SPAG16: variants seen among roughly 807,000 people sequenced by gnomAD.
SPAG16 encodes sperm associated antigen 16.
SPAG16 carries 86 observed loss-of-function variants against 80.4 expected under a neutral mutation model. That is an observed-to-expected ratio of 1.07 (90% CI 0.90 to 1.28). The LOEUF (loss-of-function observed/expected upper bound fraction) is 1.28, where lower values mean the gene tolerates loss of function less well. Among genes scored for constraint, SPAG16 ranks in the 50% most tolerant of loss-of-function variants. The probability of loss-of-function intolerance (pLI) is 0.00; values close to 1 mark genes in which losing one functional copy is unlikely to be tolerated. For missense variants in SPAG16, 870 were observed against 765.3 expected (o/e 1.14, Z -1.61); for synonymous variants, 294 against 265.9 (o/e 1.11, Z -1.03).
intron 15 of SPAG16, among the ~76,000 whole-genome samples, chr2:214,324,784 A>G (rs16851777): frequency 0.06 from 9,186 of 151,854 alleles, 887 homozygotes; most frequent in African/African-American, 0.21. Context: ...ATCTATGCAG[A>G]CGACTTTTGG....
chr2:213,895,617 A>C (rs1264085182), intron 11 of SPAG16, among the ~76,000 whole-genome samples: 1 of 152,328 alleles, frequency 6.6e-6, no homozygotes, highest in African/African-American at 2.4e-5. Context: ...ATTTGCATCC[A>C]ACTCATCTTT....
chr2:214,157,897 A>G (rs1038733524), intron 15 of SPAG16, among the ~76,000 whole-genome samples: 2 of 152,082 alleles, frequency 1.3e-5, no homozygotes, highest in African/African-American at 4.8e-5. Context: ...AATTGTCTTC[A>G]CAACTTTAAG....
chr2:214,029,837 GT>G (rs955875031), intron 13 of SPAG16, among the ~76,000 whole-genome samples: 5 of 152,080 alleles, frequency 3.3e-5, no homozygotes, highest in African/African-American at 9.7e-5. Flanking sequence ...AATTGATTTG[GT>G]TTATTTTTGG....
intron 12 of SPAG16, among the ~76,000 whole-genome samples, chr2:213,981,375 T>C (rs888834545): frequency 2.0e-5 from 3 of 152,220 alleles, no homozygotes; most frequent in South Asian, 4.1e-4. Flanking sequence ...CAAGGAGCTC[T>C]TTTTTTCCAA....
chr2:214,156,439 C>G (rs1240192447), intron 15 of SPAG16, among the ~76,000 whole-genome samples: 1 of 152,008 alleles, frequency 6.6e-6, no homozygotes, highest in Non-Finnish European at 1.5e-5. Flanking sequence ...TTATTTAAGG[C>G]CTGGTCTGCT....
At chr2:213,802,769 T>C (rs1489934924) in intron 10 of SPAG16, among the ~76,000 whole-genome samples, 1 of 152,172 alleles carries the variant, frequency 6.6e-6, no homozygotes, top group African/African-American at 2.4e-5. Flanking sequence ...TTTTGTGTGG[T>C]GAATTATTCA....
At chr2:213,869,269 A>ATATATATATATATATGTATATATATATG (rs1299250170) in intron 11 of SPAG16, among the ~76,000 whole-genome samples, 2 of 82,846 alleles carry the variant, frequency 2.4e-5, no homozygotes, top group Non-Finnish European at 5.9e-5. Context: ...AAAAAAATAT[A>ATATATATATATATATGTATATATATATG]TATATATATA....
At chr2:213,982,126 G>A (rs2045779841) in intron 12 of SPAG16, among the ~76,000 whole-genome samples, 1 of 149,352 alleles carries the variant, frequency 6.7e-6, no homozygotes, top group African/African-American at 2.6e-5. Flanking sequence ...TAGAGTTCTA[G>A]TTAGTACTAC....
intron 13 of SPAG16, among the ~76,000 whole-genome samples, chr2:214,015,047 T>C (rs2124970040): frequency 6.6e-6 from 1 of 152,256 alleles, no homozygotes; most frequent in African/African-American, 2.4e-5. Context: ...TTATGAAAGG[T>C]GAATCATGCA....
At chr2:214,269,657 C>T (rs1691845584) in intron 15 of SPAG16, among the ~76,000 whole-genome samples, 1 of 152,042 alleles carries the variant, frequency 6.6e-6, no homozygotes, top group Non-Finnish European at 1.5e-5. Flanking sequence ...TATTTTACAA[C>T]TCCAATCTAC....
At chr2:213,846,253 C>A (rs1167808513) in intron 10 of SPAG16, among the ~76,000 whole-genome samples, 1 of 151,836 alleles carries the variant, frequency 6.6e-6, no homozygotes, top group Non-Finnish European at 1.5e-5. Context: ...TCAGTTGAAG[C>A]CTGTTTAGAA....
chr2:213,732,774 T>C (rs2067109058), intron 10 of SPAG16, among the ~76,000 whole-genome samples: 1 of 152,208 alleles, frequency 6.6e-6, no homozygotes, highest in Non-Finnish European at 1.5e-5. Context: ...ATAGTTCTCC[T>C]TGAAGATAAG....
At chr2:213,906,574 A>G (rs1418243368) in intron 11 of SPAG16, among the ~76,000 whole-genome samples, 1 of 152,240 alleles carries the variant, frequency 6.6e-6, no homozygotes, top group Non-Finnish European at 1.5e-5. Flanking sequence ...CTGACCAAAA[A>G]GAACAAAGCT....
intron 10 of SPAG16, among the ~76,000 whole-genome samples, chr2:213,818,661 T>G (rs2072729871): frequency 6.6e-6 from 1 of 152,112 alleles, no homozygotes; most frequent in Admixed American, 6.5e-5. Context: ...CATTATATGG[T>G]TTGGTTCTGT....
At chr2:213,380,138 G>A (rs1017517768) in intron 9 of SPAG16, among the ~76,000 whole-genome samples, 1 of 152,136 alleles carries the variant, frequency 6.6e-6, no homozygotes, top group African/African-American at 2.4e-5. Context: ...GGCTGCAGCC[G>A]TAAGTCAGCA....
chr2:214,255,251 C>T (rs1690595561), intron 15 of SPAG16, among the ~76,000 whole-genome samples: 1 of 151,930 alleles, frequency 6.6e-6, no homozygotes, highest in Admixed American at 6.6e-5. Context: ...CTGGGTCTTT[C>T]CTTCAGGGAA....
At chr2:213,866,395 A>AT (rs1308714080) in intron 11 of SPAG16, among the ~76,000 whole-genome samples, 2 of 152,160 alleles carry the variant, frequency 1.3e-5, no homozygotes, top group African/African-American at 4.8e-5. Flanking sequence ...CCAAGTAAGA[A>AT]TTGTACTAGG....
chr2:213,376,003 T>A (rs1242977477), intron 9 of SPAG16, among the ~76,000 whole-genome samples: 1 of 150,476 alleles, frequency 6.6e-6, no homozygotes, highest in East Asian at 1.9e-4. Flanking sequence ...ATATAAAATA[T>A]TTATACAATA....
intron 9 of SPAG16, among the ~76,000 whole-genome samples, chr2:213,404,669 C>T (rs141032528): frequency 0.014 from 2,193 of 152,274 alleles, 47 homozygotes; most frequent in African/African-American, 0.049. Flanking sequence ...ATGTCTAAAA[C>T]ACCAAAAGCA....
Sources: gnomAD v4.1 joint callset for allele counts (sites outside exome capture counted in the v4.1 genomes callset) on GRCh38, gnomAD v4.1.1 for gene constraint, MANE v1.5 for transcripts, NCBI Gene and HGNC (gene_info 2026-07-23, HGNC 2026-07-21) for gene names.